DDX60L: variants seen among roughly 807,000 people sequenced by gnomAD.
DDX60L encodes probable ATP-dependent RNA helicase DDX60-like.
DDX60L carries 191 observed loss-of-function variants against 211.6 expected under a neutral mutation model. That is an observed-to-expected ratio of 0.90 (90% CI 0.80 to 1.02). DDX60L has a LOEUF of 1.02. Among genes scored for constraint, DDX60L ranks in the 50% least tolerant of loss-of-function variants. DDX60L has a pLI of 0.00. For missense variants in DDX60L, 2,007 were observed against 1,984.1 expected, an observed-to-expected ratio of 1.01 and a Z score of -0.22; for synonymous variants, 706 against 694.1, an observed-to-expected ratio of 1.02 and a Z score of -0.27.
intron 19 of DDX60L, among the ~76,000 whole-genome samples, chr4:168,418,208 C>T (rs544810048): frequency 7.2e-5 from 11 of 152,234 alleles, no homozygotes; most frequent in South Asian, 4.1e-4. Context: ...GCTGAGATTA[C>T]GGGAGCATGC....
chr4:168,358,676 C>T (rs976873667), intron 37 of DDX60L, among the ~76,000 whole-genome samples: 18 of 151,696 alleles, frequency 1.2e-4, no homozygotes, highest in African/African-American at 4.1e-4. Context: ...GGATTATAGG[C>T]ACCCGGCTAA....
chr4:168,437,764 C>T (rs2634947), intron 10 of DDX60L, among the ~76,000 whole-genome samples: 131 of 152,252 alleles, frequency 8.6e-4, no homozygotes, highest in African/African-American at 3.1e-3. Context: ...CTCAGTATAC[C>T]GTGGCTTGCT....
Position 168,447,474 on chromosome 4 carries a change from C to A in DDX60L, c.1138+1164G>T, listed in dbSNP as rs1438163341. Among the ~76,000 whole-genome samples the A allele has an allele frequency of 3.3e-5, 5 of 151,862 alleles. No homozygotes were observed. In the East Asian group the frequency reaches 7.8e-4, roughly 24 times the overall value. Reference sequence around the variant, plus strand: ...TCAACCATTGTGGAAGTCAGTGTGGCGATTCCTCAGGGATCTAGACCTGGA... The same window carrying A: ...TCAACCATTGTGGAAGTCAGTGTGGAGATTCCTCAGGGATCTAGACCTGGA... On this transcript the variant is annotated intron_variant, in intron 9 of 37. Transcript: ENST00000682922.
chr4:168,359,182 A>C (rs1387321), intron 37 of DDX60L, among the ~76,000 whole-genome samples: 109,890 of 152,068 alleles, frequency 0.72, 40,749 homozygotes, highest in East Asian at 0.85. Flanking sequence ...ACTCTAGAGC[A>C]GAGTTTCAGT....
intron 22 of DDX60L, 114 bp downstream of exon 22, chr4:168,415,294 A>G (rs1749351503): frequency 2.1e-6 from 1 of 472,356 alleles, no homozygotes; most frequent in African/African-American, 2.0e-5. Context: ...AGAATCAGTA[A>G]AGAAAGAAAA....
At chr4:168,471,556 T>A (rs958781554) in intron 4 of DDX60L, 191 bp downstream of exon 4, 11 of 445,236 alleles carry the variant, frequency 2.5e-5, no homozygotes, top group Non-Finnish European at 1.1e-5. Flanking sequence ...GGGAAAAAAA[T>A]TTAATAAAAT....
At chr4:168,411,217 G>T (rs1228064807) in intron 22 of DDX60L, among the ~76,000 whole-genome samples, 1 of 152,132 alleles carries the variant, frequency 6.6e-6, no homozygotes. Flanking sequence ...ACTCCAAATT[G>T]AACAACTATG....
chr4:168,371,859 T>C (rs1036940135), intron 35 of DDX60L, 96 bp from the exon 36 acceptor site: 1 of 1,225,242 alleles, frequency 8.2e-7, no homozygotes, highest in Admixed American at 2.3e-5. Context: ...TTTCTTAAAG[T>C]ACGTTCTGAA....
chr4:168,438,801 T>A (rs571249355), intron 10 of DDX60L, among the ~76,000 whole-genome samples: 2 of 152,352 alleles, frequency 1.3e-5, no homozygotes, highest in South Asian at 4.1e-4. Flanking sequence ...AAATACCAGC[T>A]ATGACCATGT....
intron 18 of DDX60L, 75 bp downstream of exon 18, chr4:168,420,186 C>A: frequency 8.2e-7 from 1 of 1,226,472 alleles, no homozygotes; most frequent in Non-Finnish European, 1.1e-6. Context: ...TTGTGTTTTG[C>A]AGATTCCCAG....
intron 36 of DDX60L, among the ~76,000 whole-genome samples, chr4:168,368,139 TG>T (rs1740308232): frequency 6.6e-6 from 1 of 152,208 alleles, no homozygotes; most frequent in South Asian, 2.1e-4. Flanking sequence ...CTCCAGGATG[TG>T]GCAGAGGTCT....
At chr4:168,364,098 T>A (rs1263717633) in intron 36 of DDX60L, among the ~76,000 whole-genome samples, 1 of 151,936 alleles carries the variant, frequency 6.6e-6, no homozygotes, top group Non-Finnish European at 1.5e-5. Context: ...CCAGCCCCAG[T>A]GACAGAGAGA....
At chr4:168,439,753 A>T (rs1336025728) in intron 10 of DDX60L, among the ~76,000 whole-genome samples, 1 of 152,226 alleles carries the variant, frequency 6.6e-6, no homozygotes, top group Non-Finnish European at 1.5e-5. Flanking sequence ...TACCAAAACC[A>T]AAGTTTCTTA....
At chr4:168,458,970 T>G (rs1196186541) in intron 5 of DDX60L, among the ~76,000 whole-genome samples, 1 of 152,170 alleles carries the variant, frequency 6.6e-6, no homozygotes, top group Non-Finnish European at 1.5e-5. Context: ...CAGAATATAA[T>G]GAACTGTCTT....
chr4:168,430,616 A>T lies in DDX60L; in HGVS notation c.1539T>A (p.Val513=). ...CCTGAATCTTTTTCAGGAAATCAAG[A>T]ACATGAGGATCTCTAGATTGTTCTG... The part of the protein sequence containing the change: ...HVDEQSRDPH[V]LDFLKKIQDY... The change falls in exon 13 of 38, where the codon GTT becomes GTA. Residue 513 remains valine, a synonymous_variant. Coordinates refer to ENST00000682922, the MANE Select transcript of DDX60L (RefSeq NM_001012967.3). 1 of 1,568,920 alleles carries T rather than the reference A, an allele frequency of 6.4e-7. No individual in the cohort carries two copies. The highest frequency in any genetic ancestry group is 8.6e-7 in the Non-Finnish European group (1 of 1,156,692).
In DDX60L at chr4:168,391,401, C is replaced by T. The variant is rs990242613; in HGVS notation, c.3915+139G>A. 8.2e-6 allele frequency: 5 copies of T among 608,302 alleles called. No homozygotes were observed. In the Admixed American group the frequency reaches 8.3e-5, roughly 10 times the overall value. The allele number at this position is 608,302 out of a possible 1,614,324, so 37.7% of individuals were successfully genotyped here. On this transcript the variant is annotated intron_variant, in intron 29 of 37. Transcript: ENST00000682922. ...AATGAAGCAACAAGATATGAGGCCACTCAACTCAAAAATGCTATGCCACAT... is the reference window on the plus strand; with the variant it reads ...AATGAAGCAACAAGATATGAGGCCATTCAACTCAAAAATGCTATGCCACAT...
chr4:168,468,768 A>G (rs1485657767), intron 4 of DDX60L: 1 of 152,230 alleles, frequency 6.6e-6, no homozygotes, highest in Non-Finnish European at 1.5e-5. Context: ...AGTTGTTTTA[A>G]TAAGATTGCA....
intron 13 of DDX60L, among the ~76,000 whole-genome samples, chr4:168,429,291 C>A (rs908471281): frequency 9.9e-5 from 15 of 152,068 alleles, no homozygotes; most frequent in Non-Finnish European, 1.6e-4. Context: ...ATTACAGGCA[C>A]CCGCCACCAT....
At chr4:168,471,607 G>T (rs1758783029) in intron 4 of DDX60L, 140 bp downstream of exon 4, 2 of 591,744 alleles carry the variant, frequency 3.4e-6, no homozygotes, top group Admixed American at 3.8e-5. Context: ...TGAAATTATG[G>T]GTAATTTTTT....
Sources: allele counts gnomAD v4.1 joint callset (sites outside exome capture counted in the v4.1 genomes callset), GRCh38; gene constraint gnomAD v4.1.1; transcripts MANE v1.5; gene names NCBI Gene and HGNC (gene_info 2026-07-23, HGNC 2026-07-21).